The following TLE5 variants were observed in gnomAD, a reference collection of about 807,000 sequenced individuals.
The protein encoded by TLE5 is TLE family member 5.
Under a neutral mutation model 25.8 loss-of-function variants are expected in TLE5, and 7 were observed. The observed-to-expected ratio is 0.27, with a 90% CI of 0.15 to 0.51. The LOEUF (loss-of-function observed/expected upper bound fraction) is 0.51. TLE5 is among the 20% of genes least tolerant of loss of function. The pLI is 0.97. For synonymous variants in TLE5, 132 were observed against 110.5 expected (o/e 1.20, Z -1.22); for missense variants, 149 against 250.7 (o/e 0.59, Z 2.74).
Position 3,053,101 on chromosome 19 carries a change from G to C in TLE5, c.*718C>G, listed in dbSNP as rs1012010622. On this transcript the variant is annotated 3_prime_UTR_variant, in exon 7 of 7. Transcript: ENST00000327141. ...TTTTTTAATATCCCCTTTCTTAAAA[G>C]ACAAGCTAGTATACTGGAAAAAGAA... 6.7e-6 allele frequency: 1 copy of C among 148,198 alleles called. No homozygotes were observed. The highest frequency in any genetic ancestry group is 2.1e-4 in the South Asian group (1 of 4,692). 9.2% of individuals were successfully genotyped at this position (148,198 alleles called of 1,614,324 possible).
chr19:3,057,453 T>TTTGGCAC, intron 3 of TLE5: 1 of 554,438 alleles, frequency 1.8e-6, no homozygotes, highest in Admixed American at 3.1e-5. Context: ...GCAGGGCCGG[T>TTTGGCAC]CTGCAACCCG....
intron 2 of TLE5, among the ~76,000 whole-genome samples, chr19:3,060,418 C>T (rs1237861526): frequency 7.3e-5 from 11 of 149,958 alleles, no homozygotes; most frequent in East Asian, 1.9e-4. Flanking sequence ...CTGCAACCTC[C>T]GCCTCACGGG....
At chr19:3,059,428 A>G (rs2090246324) in intron 2 of TLE5, among the ~76,000 whole-genome samples, 1 of 152,204 alleles carries the variant, frequency 6.6e-6, no homozygotes, top group Admixed American at 6.5e-5. Flanking sequence ...AGGCTGAAAC[A>G]GAAGAATCGC....
upstream of TLE5, chr19:3,062,579 C>T (rs960547185): frequency 1.1e-3 from 1,009 of 912,052 alleles, 1 homozygote; most frequent in Non-Finnish European, 1.3e-3. Context: ...GGGGGACGCG[C>T]GCGCCCGGGG....
intron 2 of TLE5, 86 bp from the exon 3 acceptor site, chr19:3,057,828 A>G: frequency 2.3e-6 from 3 of 1,280,180 alleles, no homozygotes; most frequent in Non-Finnish European, 2.2e-6. Flanking sequence ...GAGGAAACTG[A>G]GGCTCCAAGT....
chr19:3,056,663 C>G (rs575248845), intron 3 of TLE5: 1 of 586,608 alleles, frequency 1.7e-6, no homozygotes, highest in Non-Finnish European at 3.2e-6. Context: ...CGCGAGAACA[C>G]GCATTCCAGG....
At chr19:3,060,061 C>G (rs2090251718) in intron 2 of TLE5, among the ~76,000 whole-genome samples, 1 of 152,124 alleles carries the variant, frequency 6.6e-6, no homozygotes, top group Admixed American at 6.6e-5. Context: ...GGAGGAAATC[C>G]AGGATCCTTC....
At chr19:3,054,086 T>TCGGGGGGGCGCCCC in intron 6 of TLE5, 34 bp downstream of exon 6, 4 of 1,512,800 alleles carry the variant, frequency 2.6e-6, no homozygotes, top group Non-Finnish European at 3.6e-6. Flanking sequence ...GGCCCACCTG[T>TCGGGGGGGCGCCCC]CCCCCGCCCA....
upstream of TLE5, chr19:3,062,697 T>C (rs2090282841): frequency 1.3e-6 from 2 of 1,500,188 alleles, no homozygotes; most frequent in South Asian, 1.3e-5. Flanking sequence ...CACCCTCTCC[T>C]ACCCGGCAGC....
chr19:3,056,297 AG>A lies in TLE5; in HGVS notation c.234+14del. On this transcript the variant is annotated intron_variant, in intron 4 of 6. Coordinates refer to ENST00000327141, the MANE Select transcript of TLE5 (RefSeq NM_001130.6). ...AAGGAGGAGGAGGAGGAGGAGGAGG[AG>A]GAGATGGGCGTACCTGTTTGTGCAT... 1.4e-6 allele frequency: 2 copies of A among 1,458,066 alleles called. No homozygotes were observed. Among genetic ancestry groups the A allele is most frequent in the Non-Finnish European group, 1.8e-6 (2 of 1,096,436 alleles). The allele number at this position is 1,458,066 out of a possible 1,614,324, so 90.3% of individuals were successfully genotyped here. A position where few individuals can be genotyped will look rare whatever the true frequency, so the allele number is the denominator to read the frequency against.
chr19:3,054,792 T>G (rs1732722303), intron 5 of TLE5: 1 of 155,304 alleles, frequency 6.4e-6, no homozygotes, highest in Non-Finnish European at 1.4e-5. Flanking sequence ...CCTTTTTGCC[T>G]TGGCTACCAG....
intron 4 of TLE5, 167 bp downstream of exon 4, chr19:3,056,145 G>A (rs1488186961): frequency 5.6e-6 from 3 of 531,370 alleles, no homozygotes; most frequent in Non-Finnish European, 9.9e-6. Context: ...GGGGGGAGGA[G>A]AGCGGGAGCT....
At chr19:3,057,531 G>T in intron 3 of TLE5, 148 bp downstream of exon 3, 1 of 758,506 alleles carries the variant, frequency 1.3e-6, no homozygotes. Flanking sequence ...AGCCCAGCAG[G>T]GGCCGGCTGA....
Position 3,062,379 on chromosome 19 carries a change from G to T in TLE5, c.-179C>A. ...GCCCCCTCCCCGCGCGCCCGGCCCC[G>T]GCGCGCCCCGGGCCCCGCTTCCTGC... On this transcript the variant is annotated 5_prime_UTR_variant, in exon 1 of 7. Coordinates refer to ENST00000327141, the MANE Select transcript of TLE5 (RefSeq NM_001130.6). 3 of 607,762 alleles carry T rather than the reference G, an allele frequency of 4.9e-6. No homozygotes were observed. The South Asian group carries it at 2.2e-4, about 45-fold the overall frequency. 37.6% of individuals were successfully genotyped at this position (607,762 alleles called of 1,614,324 possible). A position where few individuals can be genotyped will look rare whatever the true frequency, so the allele number is the denominator to read the frequency against.
In TLE5 at chr19:3,054,212, G is replaced by A. The variant is rs371046209; in HGVS notation, c.298-18C>T. On this transcript the variant is annotated intron_variant, in intron 5 of 6. Transcript: ENST00000327141. ...TGCTGGTGCTGGAAGGGGGTCGGGG[G>A]AGAGGAGAGGCAGTGATTCCTCCTG... is the stretch of plus-strand genomic sequence containing the variant. 6.2e-7 allele frequency: 1 copy of A among 1,605,956 alleles called. No individual in the cohort carries two copies. The highest frequency in any genetic ancestry group is 8.5e-7 in the Non-Finnish European group (1 of 1,178,200).
At chr19:3,057,416 C>G (rs544391335) in intron 3 of TLE5, 7 of 495,610 alleles carry the variant, frequency 1.4e-5, no homozygotes, top group South Asian at 2.3e-5. Flanking sequence ...CTCCCTCCTC[C>G]GCTGCCAAGG....
Position 3,053,378 on chromosome 19 carries a change from T to G in TLE5, c.*441A>C. ...CCTGGGACCCGGGGTCGGGGGAGAC[T>G]CGGGGTGCCCAGGACGGGAAAGGGG... is the stretch of plus-strand genomic sequence containing the variant. On this transcript the variant is annotated 3_prime_UTR_variant, in exon 7 of 7. Coordinates refer to ENST00000327141, the MANE Select transcript of TLE5 (RefSeq NM_001130.6). The G allele has an allele frequency of 6.3e-6, 1 of 157,938 alleles. No individual in the cohort carries two copies. Among genetic ancestry groups the G allele is most frequent in the Non-Finnish European group, 1.4e-5 (1 of 71,922 alleles). The allele number at this position is 157,938 out of a possible 1,614,324, so 9.8% of individuals were successfully genotyped here.
In TLE5 at chr19:3,056,376, G is replaced by T; in HGVS notation, c.190-20C>A. The T allele has an allele frequency of 3.5e-6, 4 of 1,140,584 alleles. No individual in the cohort carries two copies. Among genetic ancestry groups the T allele is most frequent in the Non-Finnish European group, 1.2e-6 (1 of 852,294 alleles). The allele number at this position is 1,140,584 out of a possible 1,614,324, so 70.7% of individuals were successfully genotyped here. A position where few individuals can be genotyped will look rare whatever the true frequency, so the allele number is the denominator to read the frequency against. ...GTAGTACTGTATGGGGGAGAGAGAG[G>T]GGGAGCGGGAGATGGGGGTGGGGAA... On this transcript the variant is annotated intron_variant, in intron 3 of 6. Transcript: ENST00000327141.
chr19:3,062,256 T>C lies in TLE5; in HGVS notation c.-56A>G. ...CCCGGCTGTGCGCCCCGGCTCGGGC[T>C]GCTGGGGGCGCCGGGCGGCCGCGCC... On this transcript the variant is annotated 5_prime_UTR_variant, in exon 1 of 7. Coordinates refer to ENST00000327141, the MANE Select transcript of TLE5 (RefSeq NM_001130.6). 1 of 1,059,844 alleles carries C rather than the reference T, an allele frequency of 9.4e-7. No homozygotes were observed. Among genetic ancestry groups the C allele is most frequent in the African/African-American group, 1.7e-5 (1 of 58,402 alleles). 65.7% of individuals were successfully genotyped at this position (1,059,844 alleles called of 1,614,324 possible).
Sources: allele counts gnomAD v4.1 joint callset (sites outside exome capture counted in the v4.1 genomes callset), GRCh38; gene constraint gnomAD v4.1.1; transcripts MANE v1.5; gene names NCBI Gene and HGNC (gene_info 2026-07-23, HGNC 2026-07-21).